PDE3B: variants seen among roughly 807,000 people sequenced by gnomAD.
PDE3B encodes cGMP-inhibited 3',5'-cyclic phosphodiesterase 3B.
Under a neutral mutation model 116.8 loss-of-function variants are expected in PDE3B, and 66 were observed. That is an observed-to-expected ratio of 0.56 (90% CI 0.46 to 0.69). The LOEUF (loss-of-function observed/expected upper bound fraction) is 0.69. PDE3B is among the 30% of genes least tolerant of loss of function. The pLI, the probability that PDE3B is intolerant of heterozygous loss-of-function variation, is 0.00. For missense variants in PDE3B, 1,384 were observed against 1,368.1 expected (o/e 1.01, Z -0.18); for synonymous variants, 595 against 533.6 (o/e 1.12, Z -1.59).
chr11:14,812,480 C>G (rs1364622735), intron 5 of PDE3B, among the ~76,000 whole-genome samples: 1 of 152,048 alleles, frequency 6.6e-6, no homozygotes, highest in Non-Finnish European at 1.5e-5. Flanking sequence ...TAAAGCAGTG[C>G]TTTCTTGGGA....
At chr11:14,879,324 T>C in the PDE3B span, 4 of 1,612,930 alleles carry the variant, frequency 2.5e-6, no homozygotes, top group South Asian at 3.3e-5. Flanking sequence ...AATGGAACTA[T>C]ATTACAGAAT....
intron 15 of PDE3B, among the ~76,000 whole-genome samples, chr11:14,868,007 A>G (rs1251910375): frequency 6.6e-6 from 1 of 152,188 alleles, no homozygotes; most frequent in Admixed American, 6.5e-5. Context: ...TCAACCTTTA[A>G]TAACTGCATA....
At chr11:14,650,595 A>G (rs1235024917) in intron 1 of PDE3B, among the ~76,000 whole-genome samples, 5 of 152,148 alleles carry the variant, frequency 3.3e-5, no homozygotes, top group Non-Finnish European at 7.3e-5. Context: ...AGGGTCCTTA[A>G]AAAGTAGAAG....
At chr11:14,889,814 A>G in the PDE3B span, among the ~76,000 whole-genome samples, 2 of 152,200 alleles carry the variant, frequency 1.3e-5, no homozygotes, top group Non-Finnish European at 2.9e-5. Flanking sequence ...GAGGTCGAAC[A>G]AATGTGTTCT....
chr11:14,844,718 G>A (rs1194496955), intron 12 of PDE3B, among the ~76,000 whole-genome samples: 3 of 152,232 alleles, frequency 2.0e-5, no homozygotes, highest in South Asian at 2.1e-4. Flanking sequence ...CTATGGCCAC[G>A]GAGTCTCGCT....
intron 1 of PDE3B, among the ~76,000 whole-genome samples, chr11:14,677,982 G>A (rs757258770): frequency 2.0e-5 from 3 of 152,168 alleles, no homozygotes; most frequent in African/African-American, 4.8e-5. Context: ...TTGAGTGAGT[G>A]CGGTGACACG....
chr11:14,674,369 G>T, intron 1 of PDE3B: 1 of 736,144 alleles, frequency 1.4e-6, no homozygotes. Context: ...TTGTATTTGA[G>T]TACTCTGCTC....
chr11:14,846,272 T>G (rs1418711610), intron 12 of PDE3B, among the ~76,000 whole-genome samples: 1 of 152,068 alleles, frequency 6.6e-6, no homozygotes, highest in Non-Finnish European at 1.5e-5. Flanking sequence ...TAAAATACTT[T>G]ACAGACAAGC....
chr11:14,807,753 A>G (rs182096887), intron 5 of PDE3B, among the ~76,000 whole-genome samples: 102 of 152,272 alleles, frequency 6.7e-4, no homozygotes, highest in Middle Eastern at 3.4e-3. Context: ...TCCAATTAAA[A>G]GACAAAGATT....
At chr11:14,885,418 T>C in the PDE3B span, among the ~76,000 whole-genome samples, 1 of 152,124 alleles carries the variant, frequency 6.6e-6, no homozygotes, top group Non-Finnish European at 1.5e-5. Context: ...AGTAAAATGA[T>C]AGTAAAAATG....
intron 5 of PDE3B, among the ~76,000 whole-genome samples, chr11:14,817,393 AC>A (rs1185928383): frequency 6.6e-6 from 1 of 152,118 alleles, no homozygotes; most frequent in Non-Finnish European, 1.5e-5. Flanking sequence ...TATGTAACAA[AC>A]CTGCACATTG....
chr11:14,773,592 C>T (rs917235382), intron 2 of PDE3B: 1 of 152,116 alleles, frequency 6.6e-6, no homozygotes, highest in African/African-American at 2.4e-5. Flanking sequence ...TCTGGTGAAG[C>T]TATCTCACCT....
At chr11:14,652,255 A>G (rs1853592112) in intron 1 of PDE3B, among the ~76,000 whole-genome samples, 1 of 152,168 alleles carries the variant, frequency 6.6e-6, no homozygotes, top group South Asian at 2.1e-4. Flanking sequence ...ACCTTTCAAC[A>G]AAGTGTTGGC....
At chr11:14,886,173 G>A in the PDE3B span, 20 of 476,018 alleles carry the variant, frequency 4.2e-5, no homozygotes, top group Admixed American at 1.4e-4. Context: ...TACTGGACTC[G>A]GGAGGCCTGG....
At chr11:14,758,024 C>T (rs1251437363) in intron 1 of PDE3B, among the ~76,000 whole-genome samples, 1 of 151,840 alleles carries the variant, frequency 6.6e-6, no homozygotes, top group African/African-American at 2.4e-5. Flanking sequence ...CTACATATGG[C>T]TAGCCAATTT....
At chr11:14,858,974 C>T (rs1847897543) in intron 12 of PDE3B, 69 bp from the exon 13 acceptor site, 2 of 1,100,082 alleles carry the variant, frequency 1.8e-6, no homozygotes, top group Non-Finnish European at 2.7e-6. Context: ...TACTTCCAAC[C>T]TGATATTAAA....
intron 1 of PDE3B, among the ~76,000 whole-genome samples, chr11:14,667,214 C>G (rs984456064): frequency 2.0e-5 from 3 of 148,192 alleles, no homozygotes; most frequent in Non-Finnish European, 3.0e-5. Flanking sequence ...TATTCTCACT[C>G]ATAGGTGGGA....
rs536270843 is a variant in PDE3B, at chr11:14,843,840, A to G, written c.2334A>G (p.Arg778=). 8.7e-6 allele frequency: 14 copies of G among 1,613,676 alleles called. No individual in the cohort carries two copies. The Admixed American group carries it at 1.7e-4, about 19-fold the overall frequency. The stretch of plus-strand genomic sequence containing the variant: ...ATTGTTTCTCAGATTCTGATGGTAG[A>G]ATTAACCATGGGCGAATTGCTTATA... ...GTGNETDSDG[R]INHGRIAYIS... Residue 778 remains arginine, a synonymous_variant, in exon 12 of 16, where the codon AGA becomes AGG. Transcript: ENST00000282096.
At chr11:14,676,966 T>G (rs1854548390) in intron 1 of PDE3B, among the ~76,000 whole-genome samples, 1 of 152,174 alleles carries the variant, frequency 6.6e-6, no homozygotes, top group Non-Finnish European at 1.5e-5. Flanking sequence ...TAACTTGAAG[T>G]AATTTTTTGG....
Sources: gnomAD v4.1 joint callset for allele counts (sites outside exome capture counted in the v4.1 genomes callset) on GRCh38, gnomAD v4.1.1 for gene constraint, MANE v1.5 for transcripts, NCBI Gene and HGNC (gene_info 2026-07-23, HGNC 2026-07-21) for gene names.